Variants in ANK2 observed in about 807,000 individuals in gnomAD.
ANK2 encodes the protein ankyrin 2.
A neutral mutation model predicts 360.5 loss-of-function variants in ANK2; 83 were observed. The ratio of observed to expected loss-of-function variants is 0.23; its 90% CI spans 0.19 to 0.28. ANK2 has a LOEUF of 0.28. ANK2 is among the 10% of genes least tolerant of loss of function. The probability of loss-of-function intolerance (pLI) is 1.00; values close to 1 mark genes in which losing one functional copy is unlikely to be tolerated. For synonymous variants in ANK2, 1,740 were observed against 1,759.5 expected (o/e 0.99, Z 0.28); for missense variants, 4,201 against 4,795.7 (o/e 0.88, Z 3.66).
intron 2 of ANK2, among the ~76,000 whole-genome samples, chr4:112,932,162 C>T (rs1157971321): frequency 2.0e-5 from 3 of 152,092 alleles, no homozygotes; most frequent in African/African-American, 7.2e-5. Context: ...CAAGACCATC[C>T]TGGCTAACAT....
intron 1 of ANK2, among the ~76,000 whole-genome samples, chr4:112,864,609 C>T (rs764346179): frequency 2.0e-5 from 3 of 151,782 alleles, no homozygotes; most frequent in African/African-American, 7.3e-5. Context: ...GGCGCCCGGC[C>T]GGTAAGGATT....
chr4:112,968,754 C>T (rs1391295908), intron 2 of ANK2, among the ~76,000 whole-genome samples: 2 of 152,208 alleles, frequency 1.3e-5, no homozygotes. Flanking sequence ...ATTTAATGAA[C>T]TTAGCATAGG....
At chr4:112,705,765 G>T in the ANK2 span, among the ~76,000 whole-genome samples, 2 of 152,248 alleles carry the variant, frequency 1.3e-5, no homozygotes, top group Non-Finnish European at 2.9e-5. Context: ...CAGCGGCTAG[G>T]GAAGCAGCCT....
At chr4:113,140,018 T>C (rs1054174911) in intron 1 of ANK2, among the ~76,000 whole-genome samples, 1 of 151,744 alleles carries the variant, frequency 6.6e-6, no homozygotes, top group African/African-American at 2.4e-5. Flanking sequence ...TTAGTGTAGA[T>C]CCATAAGTTA....
chr4:113,304,803 T>C (rs1028933124), intron 23 of ANK2, among the ~76,000 whole-genome samples: 4 of 152,134 alleles, frequency 2.6e-5, no homozygotes, highest in African/African-American at 4.8e-5. Flanking sequence ...TTATTTAGGG[T>C]GAATTTTGCA....
intron 24 of ANK2, among the ~76,000 whole-genome samples, chr4:113,316,688 A>G (rs2083136619): frequency 6.6e-6 from 1 of 152,204 alleles, no homozygotes; most frequent in Non-Finnish European, 1.5e-5. Context: ...CTTGAGCTAC[A>G]GTGTATAAAA....
intron 2 of ANK2, among the ~76,000 whole-genome samples, chr4:113,034,230 G>A (rs945251805): frequency 6.6e-6 from 1 of 151,938 alleles, no homozygotes; most frequent in Non-Finnish European, 1.5e-5. Flanking sequence ...ACTGGATCAC[G>A]AGTGTTCCTT....
At chr4:113,045,087 T>C (rs750669485), upstream of ANK2, among the ~76,000 whole-genome samples, 2 of 152,182 alleles carry the variant, frequency 1.3e-5, no homozygotes, top group African/African-American at 4.8e-5. Context: ...GGAGATAATC[T>C]ACCTGTAAGA....
chr4:113,354,745 C>G lies in ANK2; in HGVS notation c.6127C>G (p.Gln2043Glu). ...GCCGATACTAACCCAGAGAGAAGCT[C>G]AGAAAACAGAGAATCAGACAATCAA... ...KGPILTQREA[Q>E]KTENQTIKRG... Residue 2043 changes from glutamine (Q) to glutamate (E), a missense_variant, in exon 38 of 46, where the codon CAG (glutamine) becomes GAG (glutamate). This residue lies in a region of ANK2 where 2,642 missense variants were observed against 2,714.5 expected (regional missense o/e 0.97). Coordinates refer to ENST00000357077, the MANE Select transcript of ANK2 (RefSeq NM_001148.6). The G allele has an allele frequency of 6.2e-7, 1 of 1,613,598 alleles. No homozygotes were observed. Among genetic ancestry groups the G allele is most frequent in the Non-Finnish European group, 8.5e-7 (1 of 1,179,934 alleles).
the ANK2 span, chr4:112,738,752 A>G: frequency 4.8e-6 from 3 of 620,012 alleles, no homozygotes; most frequent in Non-Finnish European, 9.1e-6. Flanking sequence ...AGTCAGACCC[A>G]TATGTCAAAA....
chr4:112,849,766 T>C (rs1579639136), intron 1 of ANK2, among the ~76,000 whole-genome samples: 2 of 152,220 alleles, frequency 1.3e-5, no homozygotes, highest in African/African-American at 4.8e-5. Flanking sequence ...AGGGTTGTGA[T>C]GGTTAACTTT....
the ANK2 span, among the ~76,000 whole-genome samples, chr4:112,765,800 C>T: frequency 6.6e-6 from 1 of 152,018 alleles, no homozygotes; most frequent in African/African-American, 2.4e-5. Flanking sequence ...AGTACTGCCA[C>T]CTAGAGGAAC....
chr4:113,149,156 C>A (rs892395753), intron 1 of ANK2: 2 of 152,136 alleles, frequency 1.3e-5, no homozygotes, highest in African/African-American at 4.8e-5. Context: ...AGGTTTGCAG[C>A]CCTGAAGTGA....
chr4:112,791,382 G>T, the ANK2 span, among the ~76,000 whole-genome samples: 10 of 151,898 alleles, frequency 6.6e-5, no homozygotes, highest in East Asian at 1.2e-3. Flanking sequence ...TCGTAAAAAG[G>T]TTTCACCTTT....
the ANK2 span, among the ~76,000 whole-genome samples, chr4:112,759,333 G>T: frequency 6.6e-6 from 1 of 152,154 alleles, no homozygotes; most frequent in Middle Eastern, 3.4e-3. Flanking sequence ...TTTGTAGAGA[G>T]AAGGTGTCGC....
At chr4:112,762,824 A>C in the ANK2 span, among the ~76,000 whole-genome samples, 3 of 152,162 alleles carry the variant, frequency 2.0e-5, no homozygotes, top group Non-Finnish European at 4.4e-5. Context: ...AATATTTTTG[A>C]CACTATAACT....
chr4:113,115,359 G>A (rs902066981), intron 1 of ANK2, among the ~76,000 whole-genome samples: 2 of 152,096 alleles, frequency 1.3e-5, no homozygotes, highest in Non-Finnish European at 2.9e-5. Flanking sequence ...TGAATTTTCA[G>A]CTGTTCAGAT....
At chr4:113,206,928 G>T (rs2098957523) in intron 4 of ANK2, among the ~76,000 whole-genome samples, 3 of 152,152 alleles carry the variant, frequency 2.0e-5, no homozygotes, top group Admixed American at 2.0e-4. Flanking sequence ...GGAGGCTGAG[G>T]CAGGGGAATC....
At chr4:112,980,125 C>T (rs1294844249) in intron 2 of ANK2, 1 of 149,774 alleles carries the variant, frequency 6.7e-6, no homozygotes, top group Non-Finnish European at 1.5e-5. Flanking sequence ...CTTCCACACT[C>T]GTCAGTGCCC....
Sources: allele counts gnomAD v4.1 joint callset (sites outside exome capture counted in the v4.1 genomes callset), GRCh38; gene constraint gnomAD v4.1.1; regional missense constraint gnomAD v4.1.1; transcripts MANE v1.5; gene names NCBI Gene and HGNC (gene_info 2026-07-23, HGNC 2026-07-21).